SUSD4: variants seen among roughly 807,000 people sequenced by gnomAD.
SUSD4 encodes sushi domain-containing protein 4.
SUSD4 carries 41 observed loss-of-function variants against 50.5 expected under a neutral mutation model. That is an observed-to-expected ratio of 0.81 (90% CI 0.63 to 1.05). SUSD4 has a LOEUF of 1.05. Among genes scored for constraint, SUSD4 ranks in the 50% least tolerant of loss-of-function variants. The pLI, the probability that SUSD4 is intolerant of heterozygous loss-of-function variation, is 0.00. For synonymous variants in SUSD4, 257 were observed against 257.3 expected (o/e 1.00, Z 0.01); for missense variants, 580 against 634.7 (o/e 0.91, Z 0.93).
chr1:223,311,395 T>C (rs940098914), intron 2 of SUSD4, among the ~76,000 whole-genome samples: 1 of 152,228 alleles, frequency 6.6e-6, no homozygotes, highest in Admixed American at 6.5e-5. Context: ...CTACATATGA[T>C]GTAAGTGCTC....
At chr1:223,283,290 A>G (rs1253525438) in intron 3 of SUSD4, among the ~76,000 whole-genome samples, 1 of 152,220 alleles carries the variant, frequency 6.6e-6, no homozygotes, top group Admixed American at 6.5e-5. Flanking sequence ...CAGAGTGAAC[A>G]GGCAACCTAC....
intron 2 of SUSD4, among the ~76,000 whole-genome samples, chr1:223,293,980 C>T (rs1243151560): frequency 6.6e-6 from 1 of 152,130 alleles, no homozygotes; most frequent in Non-Finnish European, 1.5e-5. Flanking sequence ...ACACTGATGT[C>T]ATAAGCCACA....
At chr1:223,232,168 G>A (rs1051071490) in intron 5 of SUSD4, among the ~76,000 whole-genome samples, 1 of 152,152 alleles carries the variant, frequency 6.6e-6, no homozygotes, top group Non-Finnish European at 1.5e-5. Flanking sequence ...GGGTTGGGGA[G>A]GTAGAGGGAA....
chr1:223,223,357 G>A lies in SUSD4; in HGVS notation c.1336C>T (p.Pro446Ser). The change falls in exon 8 of 9, where the codon CCT becomes TCT. Residue 446 changes from proline to serine, a missense_variant. By Grantham distance (74) the Pro-to-Ser change is moderately conservative. Transcript: ENST00000366878. ...TGGGTGCTCTCTTGGCACCTGGGAG[G>A]TGAATACAGACTTTGGAGCAGCTCA... ...SSELLQSLYS[P>S]PRCQESTHPA... The A allele has an allele frequency of 6.2e-7, 1 of 1,613,418 alleles. No individual in the cohort carries two copies. The highest frequency in any genetic ancestry group is 8.5e-7 in the Non-Finnish European group (1 of 1,179,670).
At chr1:223,263,210 A>C (rs1287934760) in intron 5 of SUSD4, among the ~76,000 whole-genome samples, 1 of 152,206 alleles carries the variant, frequency 6.6e-6, no homozygotes, top group Non-Finnish European at 1.5e-5. Flanking sequence ...AGCCCCTTCC[A>C]TCAGAGGTCC....
rs145231501 is a variant in SUSD4 at position 223,225,362 on chromosome 1, A to T, written c.1062-1731T>A. On this transcript the variant is annotated intron_variant, in intron 7 of 8. Transcript: ENST00000366878. ...AAGCACAGGCTGTGCGTCTCTCTAA[A>T]GCTCAAGTCCACTGACTTTTTGAAA... 5.4e-3 allele frequency among the ~76,000 whole-genome samples: 827 copies of T among 152,216 alleles called. 7 individuals are homozygous for T. The highest frequency in any genetic ancestry group is 0.019 in the African/African-American group (784 of 41,532).
At chr1:223,327,887 G>T (rs950459075) in intron 2 of SUSD4, among the ~76,000 whole-genome samples, 2 of 152,204 alleles carry the variant, frequency 1.3e-5, no homozygotes, top group African/African-American at 4.8e-5. Flanking sequence ...CATTTGGAAA[G>T]CAGCAATGTG....
At chr1:223,247,102 G>A (rs1045725146) in intron 5 of SUSD4, among the ~76,000 whole-genome samples, 1 of 152,078 alleles carries the variant, frequency 6.6e-6, no homozygotes, top group Admixed American at 6.6e-5. Context: ...ACAGCCCCCC[G>A]GGTGTTCTTC....
intron 5 of SUSD4, among the ~76,000 whole-genome samples, chr1:223,240,683 A>AT (rs1207129426): frequency 6.6e-6 from 1 of 151,862 alleles, no homozygotes; most frequent in Non-Finnish European, 1.5e-5. Context: ...TACATTGCCC[A>AT]TTTTTTTGTG....
intron 2 of SUSD4, among the ~76,000 whole-genome samples, chr1:223,327,467 T>C (rs1666940574): frequency 6.6e-6 from 1 of 152,174 alleles, no homozygotes; most frequent in Admixed American, 6.5e-5. Flanking sequence ...GATCCACTTG[T>C]AACACAAAAG....
intron 3 of SUSD4, among the ~76,000 whole-genome samples, chr1:223,281,012 A>T (rs905935863): frequency 2.0e-5 from 3 of 152,250 alleles, no homozygotes; most frequent in Admixed American, 2.0e-4. Context: ...AAATGAAGGC[A>T]GAAATAAAGA....
At chr1:223,279,774 G>C (rs1376012795) in intron 3 of SUSD4, among the ~76,000 whole-genome samples, 4 of 151,906 alleles carry the variant, frequency 2.6e-5, no homozygotes, top group African/African-American at 4.8e-5. Context: ...GCAACTCCAA[G>C]ACACATAATT....
intron 5 of SUSD4, chr1:223,263,596 T>G: frequency 1.0e-6 from 1 of 985,354 alleles, no homozygotes; most frequent in Non-Finnish European, 1.2e-6. Flanking sequence ...AGGGCTGGCC[T>G]TCTGGCTCCC....
In SUSD4 at chr1:223,363,264, G is replaced by T; in HGVS notation, c.148+14C>A. 1 of 1,572,760 alleles carries T rather than the reference G, an allele frequency of 6.4e-7. No homozygotes were observed. Among genetic ancestry groups the T allele is most frequent in the South Asian group, 1.2e-5 (1 of 83,282 alleles). ...GCCATCCCCAGGCCCTCCCACCACAGCTGGGTCACTCACCGCCCGTGAGCT... is the reference window on the plus strand; with the variant it reads ...GCCATCCCCAGGCCCTCCCACCACATCTGGGTCACTCACCGCCCGTGAGCT... On this transcript the variant is annotated intron_variant, in intron 2 of 8. Transcript: ENST00000366878.
intron 2 of SUSD4, among the ~76,000 whole-genome samples, chr1:223,358,078 C>A (rs1000127692): frequency 6.6e-6 from 1 of 152,142 alleles, no homozygotes; most frequent in Non-Finnish European, 1.5e-5. Context: ...AACACTAACA[C>A]GGAATTTTAA....
intron 3 of SUSD4, among the ~76,000 whole-genome samples, chr1:223,276,379 G>T (rs373927206): frequency 6.6e-6 from 1 of 152,198 alleles, no homozygotes; most frequent in Non-Finnish European, 1.5e-5. Context: ...CAGCACTCAC[G>T]TGTGCAAGAC....
chr1:223,225,445 G>C (rs1356721806), intron 7 of SUSD4, among the ~76,000 whole-genome samples: 1 of 152,122 alleles, frequency 6.6e-6, no homozygotes. Flanking sequence ...AGCTCTTAAA[G>C]ACTGCCCAGA....
chr1:223,277,276 T>G (rs1426378594), intron 3 of SUSD4, among the ~76,000 whole-genome samples: 2 of 151,124 alleles, frequency 1.3e-5, no homozygotes. Flanking sequence ...AGCGAGTACT[T>G]AAAACTAATG....
intron 3 of SUSD4, among the ~76,000 whole-genome samples, chr1:223,290,760 C>CCT (rs1553298207): frequency 6.6e-6 from 1 of 151,884 alleles, no homozygotes; most frequent in Non-Finnish European, 1.5e-5. Flanking sequence ...TTCTCACCCC[C>CCT]TTTCTTGCCA....
Sources: gnomAD v4.1 joint callset for allele counts (sites outside exome capture counted in the v4.1 genomes callset) on GRCh38, gnomAD v4.1.1 for gene constraint, MANE v1.5 for transcripts, NCBI Gene and HGNC (gene_info 2026-07-23, HGNC 2026-07-21) for gene names.